TPCN1: variants seen among roughly 807,000 people sequenced by gnomAD.
TPCN1 encodes two pore segment channel 1.
In TPCN1, 52 loss-of-function variants were observed where a neutral mutation model predicts 108.8. The ratio of observed to expected loss-of-function variants is 0.48; its 90% CI spans 0.38 to 0.60. The LOEUF is 0.60. Among genes scored for constraint, TPCN1 ranks in the 20% least tolerant of loss-of-function variants. TPCN1 has a pLI of 0.00. For synonymous variants in TPCN1, 446 were observed against 433.7 expected (o/e 1.03, Z -0.35); for missense variants, 806 against 1,072.8 (o/e 0.75, Z 3.47).
At position 113,288,950 on chromosome 12, in the gene TPCN1, T is replaced by C. The variant is rs1956181131; in HGVS notation, c.1796+103T>C. On this transcript the variant is annotated intron_variant, in intron 21 of 27. Coordinates refer to ENST00000335509, the MANE Select transcript of TPCN1 (RefSeq NM_017901.6). This position sits in a 1 kb window ranked among gnomAD's most constrained non-coding sequence, Gnocchi z 4.8. ...TGTGGCCTTGGGGTCCTCGGGGATG[T>C]TCCTGTCTAAGCAACCACCTTGCTT... 8.5e-7 allele frequency: 1 copy of C among 1,181,734 alleles called. No homozygotes were observed. Among genetic ancestry groups the C allele is most frequent in the Non-Finnish European group, 1.2e-6 (1 of 802,092 alleles). The allele number at this position is 1,181,734 out of a possible 1,614,324, so 73.2% of individuals were successfully genotyped here. A position where few individuals can be genotyped will look rare whatever the true frequency, so the allele number is the denominator to read the frequency against.
intron 2 of TPCN1, chr12:113,244,239 G>A: frequency 1.1e-6 from 1 of 902,660 alleles, no homozygotes; most frequent in Non-Finnish European, 1.3e-6. Flanking sequence ...CCGTGGTACT[G>A]CCCCGTTGAG....
intron 27 of TPCN1, among the ~76,000 whole-genome samples, chr12:113,294,454 C>T (rs1222390129): frequency 1.3e-5 from 2 of 152,078 alleles, no homozygotes; most frequent in Non-Finnish European, 2.9e-5. Flanking sequence ...TGGTGAAACC[C>T]TGTCTCTACT....
chr12:113,282,884 G>A (rs549235533), intron 15 of TPCN1, among the ~76,000 whole-genome samples: 8 of 152,058 alleles, frequency 5.3e-5, no homozygotes, highest in African/African-American at 1.4e-4. Context: ...TCAGGAGTTC[G>A]AGACCAGCCT....
chr12:113,271,787 G>A (rs555893580), intron 7 of TPCN1, among the ~76,000 whole-genome samples: 107 of 152,346 alleles, frequency 7.0e-4, no homozygotes, highest in Non-Finnish European at 1.5e-3. Context: ...CTGAGAGACG[G>A]CAAGCTTCAG....
At chr12:113,245,875 C>T (rs983440641) in intron 2 of TPCN1, 22 of 443,652 alleles carry the variant, frequency 5.0e-5, no homozygotes, top group Non-Finnish European at 9.1e-5. Flanking sequence ...TTATAGCTGG[C>T]ATATGGAAAC....
intron 2 of TPCN1, among the ~76,000 whole-genome samples, chr12:113,254,772 A>G: frequency 6.6e-6 from 1 of 152,162 alleles, no homozygotes; most frequent in Non-Finnish European, 1.5e-5. Flanking sequence ...TTTGGATTTC[A>G]GATTTTCGGA....
In TPCN1 at chr12:113,273,715, C is replaced by G. The variant is rs1566182174; in HGVS notation, c.942+47C>G. 1 of 1,431,622 alleles carries G rather than the reference C, an allele frequency of 7.0e-7. No homozygotes were observed. 88.7% of individuals were successfully genotyped at this position (1,431,622 alleles called of 1,614,324 possible). A position where few individuals can be genotyped will look rare whatever the true frequency, so the allele number is the denominator to read the frequency against. ...TACGCTGAAGCAGCCTGCCCCTACC[C>G]ATGCAGCACTAGGCACTGTGGGAGT... On this transcript the variant is annotated intron_variant, in intron 10 of 27. Coordinates refer to ENST00000335509, the MANE Select transcript of TPCN1 (RefSeq NM_017901.6). This position sits in a 1 kb window ranked among gnomAD's most constrained non-coding sequence, Gnocchi z 4.0.
At chr12:113,271,207 A>G (rs1335875223) in intron 7 of TPCN1, among the ~76,000 whole-genome samples, 2 of 152,106 alleles carry the variant, frequency 1.3e-5, no homozygotes, top group Non-Finnish European at 2.9e-5. Context: ...GCATGGGGAG[A>G]CAGAGGTTGC....
Position 113,290,230 on chromosome 12 carries a change from C to A in TPCN1, c.1899C>A (p.Ile633=). The A allele has an allele frequency of 6.3e-7, 1 of 1,598,172 alleles. No homozygotes were observed. Among genetic ancestry groups the A allele is most frequent in the Non-Finnish European group, 8.5e-7 (1 of 1,170,664 alleles). The change falls in exon 22 of 28, where the codon ATC becomes ATA. Residue 633 remains isoleucine, a synonymous_variant. Coordinates refer to ENST00000335509, the MANE Select transcript of TPCN1 (RefSeq NM_017901.6). ...GYYYLNNFDN[I]LNSFVTLFEL... Reference sequence around the variant, plus strand: ...ATTATCTCAATAATTTTGACAACATCCTCAACAGCTTTGGTGAGTGGGAAA... The same window carrying A: ...ATTATCTCAATAATTTTGACAACATACTCAACAGCTTTGGTGAGTGGGAAA...
chr12:113,227,275 A>G (rs561589567), intron 2 of TPCN1, among the ~76,000 whole-genome samples: 8 of 152,024 alleles, frequency 5.3e-5, no homozygotes, highest in African/African-American at 1.9e-4. Context: ...AGGCCAACCT[A>G]CTTTGGCTGC....
intron 2 of TPCN1, among the ~76,000 whole-genome samples, chr12:113,257,159 A>T (rs1954856747): frequency 6.6e-6 from 1 of 152,218 alleles, no homozygotes; most frequent in East Asian, 1.9e-4. Flanking sequence ...TCAAGCATGA[A>T]CATGAAAAAC....
chr12:113,229,711 C>G (rs935818087), intron 2 of TPCN1, among the ~76,000 whole-genome samples: 1 of 152,156 alleles, frequency 6.6e-6, no homozygotes, highest in Non-Finnish European at 1.5e-5. Context: ...AGGCTGGTCT[C>G]GAACTGTTGG....
At position 113,272,914 on chromosome 12, in the gene TPCN1, C is replaced by T. The variant is rs1226098879; in HGVS notation, c.783+222C>T. Among the ~76,000 whole-genome samples the T allele has an allele frequency of 6.6e-6, 1 of 152,132 alleles. No homozygotes were observed. The highest frequency in any genetic ancestry group is 2.4e-5 in the African/African-American group (1 of 41,402). ...CCTTTTCTGTTCTTGAAAGGAGTGC[C>T]GCCAGGATCAGGTTTGGACCATTGG... On this transcript the variant is annotated intron_variant, in intron 8 of 27. Coordinates refer to ENST00000335509, the MANE Select transcript of TPCN1 (RefSeq NM_017901.6). The surrounding 1 kb of genome is among the most constrained non-coding windows in gnomAD (Gnocchi z 4.1).
chr12:113,278,052 T>A, intron 12 of TPCN1, 137 bp from the exon 13 acceptor site: 5 of 669,134 alleles, frequency 7.5e-6, no homozygotes, highest in Non-Finnish European at 1.1e-5. Context: ...CCAGCACTGC[T>A]GTGCTGGGAC....
At chr12:113,279,386 TATATA>T (rs1454125187) in intron 14 of TPCN1, among the ~76,000 whole-genome samples, 13 of 44,812 alleles carry the variant, frequency 2.9e-4, no homozygotes, top group South Asian at 1.0e-3. Flanking sequence ...TATATATATA[TATATA>T]TTTTTTTTTT....
rs1256979038 is a variant in TPCN1 at position 113,288,409 on chromosome 12, A to G, written c.1706+175A>G. ...GACCACCACAGGTCTCCTGGGCACC[A>G]TTTTTCTCCACTGACCTGTCTGACA... is the stretch of plus-strand genomic sequence containing the variant. On this transcript the variant is annotated intron_variant, in intron 20 of 27. Transcript: ENST00000335509. This position sits in a 1 kb window ranked among gnomAD's most constrained non-coding sequence, Gnocchi z 4.8. 2 of 1,483,946 alleles carry G rather than the reference A, an allele frequency of 1.3e-6. No homozygotes were observed. The highest frequency in any genetic ancestry group is 1.8e-6 in the Non-Finnish European group (2 of 1,119,232). 91.9% of individuals were successfully genotyped at this position (1,483,946 alleles called of 1,614,324 possible).
intron 23 of TPCN1, among the ~76,000 whole-genome samples, chr12:113,291,274 G>A (rs762678312): frequency 6.6e-5 from 10 of 152,134 alleles, no homozygotes; most frequent in Non-Finnish European, 1.5e-4. Flanking sequence ...GTCCTGTCTC[G>A]CCCACTGTAG....
rs1273497329 is a variant in TPCN1 at position 113,288,007 on chromosome 12, A to G, written c.1635-156A>G. Among the ~76,000 whole-genome samples the G allele has an allele frequency of 2.6e-5, 4 of 152,194 alleles. No individual in the cohort carries two copies. The highest frequency in any genetic ancestry group is 9.7e-5 in the African/African-American group (4 of 41,450). ...TGCATGAATCACCTGAGCCCAGCTC[A>G]GGGTTGGTGGCGCCCAAGGGAGTGG... On this transcript the variant is annotated intron_variant, in intron 19 of 27. Coordinates refer to ENST00000335509, the MANE Select transcript of TPCN1 (RefSeq NM_017901.6). This position sits in a 1 kb window ranked among gnomAD's most constrained non-coding sequence, Gnocchi z 4.8.
At chr12:113,287,347 C>A in intron 19 of TPCN1, 2 of 491,954 alleles carry the variant, frequency 4.1e-6, no homozygotes, top group East Asian at 3.4e-5. Flanking sequence ...GTGCACCCCA[C>A]CTGAGGTGGC....
Sources: gnomAD v4.1 joint callset for allele counts (sites outside exome capture counted in the v4.1 genomes callset) on GRCh38, gnomAD v4.1.1 for gene constraint, Gnocchi (gnomAD v3.1) non-coding constraint, MANE v1.5 for transcripts, NCBI Gene and HGNC (gene_info 2026-07-23, HGNC 2026-07-21) for gene names.